ZNF789: variants seen among roughly 807,000 people sequenced by gnomAD.
ZNF789 encodes the protein zinc finger protein 789.
In ZNF789, 11 loss-of-function variants were observed where a neutral mutation model predicts 15.6. The observed-to-expected ratio is 0.70, with a 90% confidence interval of 0.44 to 1.16. ZNF789 has a LOEUF of 1.16. Among genes scored for constraint, ZNF789 ranks in the 50% most tolerant of loss-of-function variants. ZNF789 has a pLI of 0.00. For synonymous variants in ZNF789, 159 were observed against 176.0 expected (o/e 0.90, Z 0.76); for missense variants, 461 against 512.6 (o/e 0.90, Z 0.97).
chr7:99,483,802 T>A (rs1353557086), intron 3 of ZNF789: 1 of 781,122 alleles, frequency 1.3e-6, no homozygotes, highest in South Asian at 1.3e-5. Context: ...TCATCTTGGT[T>A]GCAATTGTAC....
At chr7:99,481,407 T>G (rs1799620314) in intron 3 of ZNF789, 1 of 152,238 alleles carries the variant, frequency 6.6e-6, no homozygotes, top group African/African-American at 2.4e-5. Context: ...ACTGAATGAT[T>G]CTTCAACAAA....
At chr7:99,476,842 A>T (rs1327462137) in intron 2 of ZNF789, among the ~76,000 whole-genome samples, 1 of 152,190 alleles carries the variant, frequency 6.6e-6, no homozygotes, top group Non-Finnish European at 1.5e-5. Context: ...ATTATTGTGC[A>T]CCTACTGCTG....
At chr7:99,486,384 T>G in intron 4 of ZNF789, 92 bp from the exon 5 acceptor site, 1 of 1,235,648 alleles carries the variant, frequency 8.1e-7, no homozygotes, top group African/African-American at 1.5e-5. Context: ...TAGCTTCATT[T>G]GATTGTCCTA....
At chr7:99,474,247 TAAAAATAGCTCATGAGCTAA>T (rs1799178032) in intron 1 of ZNF789, among the ~76,000 whole-genome samples, 2 of 151,932 alleles carry the variant, frequency 1.3e-5, no homozygotes, top group South Asian at 4.1e-4. Context: ...ACACAAACAC[TAAAAATAGCTCATGAGCTAA>T]AAAAAAATCG....
rs185170168 is a variant in ZNF789 at position 99,487,495 on chromosome 7, T to C, written c.*7T>C. The stretch of plus-strand genomic sequence containing the variant: ...AGGACAGATATCCACATGATGTTAA[T>C]TGGAAAGCAGTCATTGGAGAACTAG... On this transcript the variant is annotated 3_prime_UTR_variant, in exon 5 of 5. Coordinates refer to ENST00000331410, the MANE Select transcript of ZNF789 (RefSeq NM_213603.3). The C allele has an allele frequency of 4.6e-5, 74 of 1,602,830 alleles. 1 individual carries two copies. In the East Asian group the frequency reaches 8.5e-4, roughly 18 times the overall value.
intron 2 of ZNF789, among the ~76,000 whole-genome samples, chr7:99,477,106 GAT>G (rs1037014165): frequency 5.3e-5 from 8 of 151,460 alleles, no homozygotes; most frequent in African/African-American, 1.7e-4. Context: ...GTAGTGGCGC[GAT>G]CTCAGCTCAC....
intron 3 of ZNF789, 187 bp downstream of exon 3, chr7:99,479,974 C>A: frequency 1.4e-6 from 1 of 699,844 alleles, no homozygotes; most frequent in South Asian, 2.8e-5. Flanking sequence ...CTATAGGAAA[C>A]CATTTATTGT....
intron 4 of ZNF789, among the ~76,000 whole-genome samples, chr7:99,484,789 T>C (rs1198901629): frequency 1.3e-5 from 2 of 150,628 alleles, no homozygotes; most frequent in East Asian, 2.0e-4. Flanking sequence ...TTAAGCCGGG[T>C]GTGGTGGCGC....
intron 3 of ZNF789, chr7:99,481,793 T>C (rs1799642800): frequency 4.2e-6 from 1 of 240,770 alleles, no homozygotes; most frequent in Non-Finnish European, 8.2e-6. Flanking sequence ...CCTTCTTTTA[T>C]GGATTTTACT....
In ZNF789 at chr7:99,477,798, A is replaced by C. The variant is rs141096188; in HGVS notation, c.24+1318A>C. On this transcript the variant is annotated intron_variant, in intron 2 of 4. Transcript: ENST00000331410. ...CTCCATCTCTACTAAAAATACAAAA[A>C]TTAGCTGGGTATAGTGGCGCATGCC... 8.4e-4 allele frequency among the ~76,000 whole-genome samples: 126 copies of C among 150,716 alleles called. No individual in the cohort carries two copies. In the East Asian group the frequency reaches 0.023, roughly 28 times the overall value.
At chr7:99,477,368 C>T (rs1228737358) in intron 2 of ZNF789, among the ~76,000 whole-genome samples, 3 of 151,764 alleles carry the variant, frequency 2.0e-5, no homozygotes, top group Non-Finnish European at 2.9e-5. Context: ...TAGACGGAGT[C>T]TCACACTGTT....
At chr7:99,482,431 T>C (rs1007527949) in intron 3 of ZNF789, 1 of 576,850 alleles carries the variant, frequency 1.7e-6, no homozygotes, top group Admixed American at 3.1e-5. Flanking sequence ...TGTGGAACTC[T>C]CCACTTTTAT....
intron 2 of ZNF789, 94 bp downstream of exon 2, chr7:99,476,574 T>C (rs1799346019): frequency 2.0e-6 from 3 of 1,526,714 alleles, no homozygotes; most frequent in Admixed American, 1.9e-5. Context: ...TGTGGGGAGT[T>C]TTCCTTCTTA....
intron 2 of ZNF789, 65 bp from the exon 3 acceptor site, chr7:99,479,596 T>C: frequency 6.6e-7 from 1 of 1,519,180 alleles, no homozygotes; most frequent in South Asian, 1.3e-5. Flanking sequence ...TCCTCAGCTG[T>C]GGAATAATCA....
At chr7:99,479,809 G>A in intron 3 of ZNF789, 22 bp downstream of exon 3, 2 of 1,607,952 alleles carry the variant, frequency 1.2e-6, no homozygotes, top group Non-Finnish European at 1.7e-6. Flanking sequence ...CTTGAAGATT[G>A]GGCTTTGTCT....
chr7:99,484,511 C>G (rs544097018), intron 4 of ZNF789, among the ~76,000 whole-genome samples: 3 of 152,142 alleles, frequency 2.0e-5, no homozygotes, highest in Non-Finnish European at 4.4e-5. Flanking sequence ...TCCCAGCTAC[C>G]TGGGAGGCTG....
At chr7:99,477,550 G>A (rs891343609) in intron 2 of ZNF789, among the ~76,000 whole-genome samples, 1 of 151,950 alleles carries the variant, frequency 6.6e-6, no homozygotes, top group Admixed American at 6.6e-5. Context: ...ATGTTGCCCA[G>A]GTTGTTCTTG....
chr7:99,483,572 A>G (rs1799757281), intron 3 of ZNF789: 1 of 623,954 alleles, frequency 1.6e-6, no homozygotes, highest in Non-Finnish European at 2.9e-6. Context: ...CAGAGGTTGC[A>G]GTGCGCCAAG....
At chr7:99,485,198 C>T in intron 4 of ZNF789, 8 of 1,535,958 alleles carry the variant, frequency 5.2e-6, no homozygotes, top group Non-Finnish European at 7.0e-6. Flanking sequence ...CTTACTGTGT[C>T]CCGATGCAGC....
Sources: gnomAD v4.1 joint callset for allele counts (sites outside exome capture counted in the v4.1 genomes callset) on GRCh38, gnomAD v4.1.1 for gene constraint, MANE v1.5 for transcripts, NCBI Gene and HGNC (gene_info 2026-07-23, HGNC 2026-07-21) for gene names.